The following ZFP82 variants were observed in gnomAD, a reference collection of about 807,000 sequenced individuals.
The protein encoded by ZFP82 is ZFP82 zinc finger protein.
In ZFP82, 30 loss-of-function variants were observed where a neutral mutation model predicts 54.0. The ratio of observed to expected loss-of-function variants is 0.56; its 90% CI spans 0.42 to 0.75. ZFP82 has a LOEUF of 0.75. ZFP82 is among the 30% of genes least tolerant of loss of function. The probability of loss-of-function intolerance (pLI) is 0.00; values close to 1 mark genes in which losing one functional copy is unlikely to be tolerated. For synonymous variants in ZFP82, 194 were observed against 209.5 expected, an observed-to-expected ratio of 0.93 and a Z score of 0.64; for missense variants, 500 against 636.8, an observed-to-expected ratio of 0.79 and a Z score of 2.31.
At chr19:36,399,806 C>T (rs993142135) in intron 4 of ZFP82, among the ~76,000 whole-genome samples, 2 of 151,988 alleles carry the variant, frequency 1.3e-5, no homozygotes, top group African/African-American at 4.8e-5. Context: ...GTAGGAAATA[C>T]AATAGTAAAA....
Position 36,393,760 on chromosome 19 carries a change from C to G in ZFP82, c.580G>C (p.Gly194Arg). ...TCCTTACATTCATACGGTTTTTCAC[C>G]AGTATGAATTCTGTGATGAAAAGTA... The part of the protein sequence containing the change: ...QLTFHHRIHT[G>R]EKPYECKECG... The change falls in exon 5 of 5, where the codon GGT (glycine) becomes CGT (arginine). Residue 194 changes from glycine to arginine, a missense_variant. Physicochemically the swap from Gly to Arg is moderately radical, Grantham distance 125. Transcript: ENST00000392161. 2 of 1,614,036 alleles carry G rather than the reference C, an allele frequency of 1.2e-6. No homozygotes were observed. The highest frequency in any genetic ancestry group is 1.7e-6 in the Non-Finnish European group (2 of 1,180,000).
chr19:36,396,762 G>A (rs998956682), intron 4 of ZFP82, among the ~76,000 whole-genome samples: 1 of 151,672 alleles, frequency 6.6e-6, no homozygotes, highest in African/African-American at 2.4e-5. Context: ...AAGTGCTTGA[G>A]CCCAGGAGGT....
chr19:36,386,081 C>G (rs2032111670), downstream of ZFP82, among the ~76,000 whole-genome samples: 1 of 152,216 alleles, frequency 6.6e-6, no homozygotes, highest in Non-Finnish European at 1.5e-5. Context: ...CAGGAGCTAT[C>G]AAGACAGTGG....
At chr19:36,406,217 A>T (rs1431239156) in intron 3 of ZFP82, among the ~76,000 whole-genome samples, 1 of 152,186 alleles carries the variant, frequency 6.6e-6, no homozygotes, top group African/African-American at 2.4e-5. Flanking sequence ...TGTTAAATTA[A>T]ATGTAAAGTT....
intron 4 of ZFP82, among the ~76,000 whole-genome samples, chr19:36,401,585 T>C (rs1600103070): frequency 6.6e-6 from 1 of 152,236 alleles, no homozygotes; most frequent in African/African-American, 2.4e-5. Context: ...GCCATTCTTA[T>C]CCAAACCACC....
At chr19:36,411,120 G>GA (rs746499530) in intron 1 of ZFP82, among the ~76,000 whole-genome samples, 1 of 150,686 alleles carries the variant, frequency 6.6e-6, no homozygotes, top group Non-Finnish European at 1.5e-5. Context: ...TTGGACCTAG[G>GA]GGGGCGGAGG....
chr19:36,387,366 T>TA (rs2032127480), downstream of ZFP82, among the ~76,000 whole-genome samples: 1 of 152,198 alleles, frequency 6.6e-6, no homozygotes, highest in Admixed American at 6.5e-5. Flanking sequence ...GTGGGACCTT[T>TA]AAGAAGTGAT....
intron 4 of ZFP82, among the ~76,000 whole-genome samples, chr19:36,398,560 A>G (rs969789586): frequency 6.6e-5 from 10 of 151,880 alleles, no homozygotes; most frequent in Admixed American, 5.9e-4. Flanking sequence ...AAATGTTTCA[A>G]TGGTTCAATA....
At chr19:36,418,092 T>A (rs1280187126) in intron 1 of ZFP82, among the ~76,000 whole-genome samples, 1 of 151,934 alleles carries the variant, frequency 6.6e-6, no homozygotes, top group African/African-American at 2.4e-5. Flanking sequence ...ATTTTTTAAA[T>A]TTCTGGTACA....
chr19:36,417,072 C>CAAAAAA (rs140495874), intron 1 of ZFP82, among the ~76,000 whole-genome samples: 2 of 65,644 alleles, frequency 3.0e-5, no homozygotes, highest in African/African-American at 6.0e-5. Context: ...GACCCTGTCT[C>CAAAAAA]AAAAAAAAAA....
chr19:36,408,307 GT>G (rs2032519305), intron 2 of ZFP82, among the ~76,000 whole-genome samples: 1 of 152,162 alleles, frequency 6.6e-6, no homozygotes, highest in Admixed American at 6.5e-5. Flanking sequence ...ATGAAATACT[GT>G]ATATAAGCCT....
chr19:36,410,042 C>T (rs780875542), intron 1 of ZFP82, among the ~76,000 whole-genome samples, 175 bp from the exon 2 acceptor site: 3 of 152,084 alleles, frequency 2.0e-5, no homozygotes, highest in East Asian at 1.9e-4. Context: ...GGAGTCTGGA[C>T]GAGTCTAATC....
At chr19:36,407,069 ATTTT>A (rs936712365) in intron 3 of ZFP82, among the ~76,000 whole-genome samples, 1 of 141,276 alleles carries the variant, frequency 7.1e-6, no homozygotes. Context: ...TAGATTTTTA[ATTTT>A]CTTTTTTTTT....
chr19:36,407,319 G>A (rs958660547), intron 3 of ZFP82, among the ~76,000 whole-genome samples: 4 of 151,736 alleles, frequency 2.6e-5, no homozygotes, highest in East Asian at 1.9e-4. Flanking sequence ...CTCGTGATCC[G>A]CCCGCCTCGG....
intron 4 of ZFP82, among the ~76,000 whole-genome samples, chr19:36,401,257 C>T (rs1246488590): frequency 9.9e-5 from 15 of 152,278 alleles, no homozygotes; most frequent in South Asian, 4.1e-4. Context: ...ATAAACCAGG[C>T]TGTAATCGCT....
chr19:36,395,702 A>T (rs1432687579), intron 4 of ZFP82: 1 of 152,140 alleles, frequency 6.6e-6, no homozygotes, highest in African/African-American at 2.4e-5. Flanking sequence ...TAAAAAGCTG[A>T]AATCTAGACA....
rs892941411 is a variant in ZFP82, at chr19:36,390,663, T to G, written c.*2078A>C. ...ATAAGCTTCCTATCCATTTTTCACC[T>G]AATGGTCTTCGCATCCATTGCTATC... On this transcript the variant is annotated 3_prime_UTR_variant, in exon 5 of 5. Transcript: ENST00000392161. 1.3e-5 allele frequency: 2 copies of G among 152,224 alleles called. No homozygotes were observed. The highest frequency in any genetic ancestry group is 2.4e-5 in the African/African-American group (1 of 41,462). The allele number at this position is 152,224 out of a possible 1,614,324, so 9.4% of individuals were successfully genotyped here. A position where few individuals can be genotyped will look rare whatever the true frequency, so the allele number is the denominator to read the frequency against.
At chr19:36,405,266 G>GAGAGC (rs1026187515) in intron 4 of ZFP82, among the ~76,000 whole-genome samples, 4 of 150,460 alleles carry the variant, frequency 2.7e-5, no homozygotes, top group Non-Finnish European at 5.9e-5. Flanking sequence ...GTGAGCCAAA[G>GAGAGC]AGAGCACCAC....
intron 4 of ZFP82, among the ~76,000 whole-genome samples, chr19:36,398,617 G>GA (rs988680531): frequency 3.8e-4 from 56 of 148,500 alleles, no homozygotes; most frequent in African/African-American, 4.7e-4. Flanking sequence ...GAGTGAAGGA[G>GA]AAAAAAAAAA....
Sources: gnomAD v4.1 joint callset for allele counts (sites outside exome capture counted in the v4.1 genomes callset) on GRCh38, gnomAD v4.1.1 for gene constraint, MANE v1.5 for transcripts, NCBI Gene and HGNC (gene_info 2026-07-23, HGNC 2026-07-21) for gene names.